The following NBL1 variants were observed in gnomAD, a reference collection of about 807,000 sequenced individuals.
The protein encoded by NBL1 is neuroblastoma suppressor of tumorigenicity 1.
In NBL1, 9 loss-of-function variants were observed where a neutral mutation model predicts 16.0. That is an observed-to-expected ratio of 0.56 (90% CI 0.34 to 0.98). NBL1 has a LOEUF of 0.98. NBL1 is among the 50% of genes least tolerant of loss of function. NBL1 has a pLI of 0.02. For missense variants in NBL1, 196 were observed against 243.1 expected (o/e 0.81, Z 1.29); for synonymous variants, 86 against 100.7 (o/e 0.85, Z 0.87).
chr1:19,649,248 G>C (rs1465415719), intron 1 of NBL1, among the ~76,000 whole-genome samples: 1 of 151,976 alleles, frequency 6.6e-6, no homozygotes, highest in Non-Finnish European at 1.5e-5. Flanking sequence ...AAAAATGGGG[G>C]AAAGAATAGG....
chr1:19,643,935 G>A, upstream of NBL1: 1 of 986,220 alleles, frequency 1.0e-6, no homozygotes, highest in Non-Finnish European at 1.2e-6. This position sits in a 1 kb window ranked among gnomAD's most constrained non-coding sequence, Gnocchi z 4.7. Flanking sequence ...GGCCTGGCAC[G>A]GCCTGACGGC....
At chr1:19,643,852 G>A (rs1295983457), upstream of NBL1, 1 of 991,552 alleles carries the variant, frequency 1.0e-6, no homozygotes, top group African/African-American at 1.7e-5. This position sits in a 1 kb window ranked among gnomAD's most constrained non-coding sequence, Gnocchi z 4.7. Context: ...GCGGGCTGGG[G>A]CGCCCCACTC....
chr1:19,654,376 G>T (rs986950732), intron 1 of NBL1, among the ~76,000 whole-genome samples: 1 of 152,170 alleles, frequency 6.6e-6, no homozygotes, highest in Admixed American at 6.5e-5. Flanking sequence ...GCACTCCAGC[G>T]TGGGTGACCG....
At chr1:19,646,511 A>G (rs1212040008) in intron 1 of NBL1, among the ~76,000 whole-genome samples, 2 of 152,232 alleles carry the variant, frequency 1.3e-5, no homozygotes, top group Admixed American at 6.5e-5. Flanking sequence ...GGGAGCCCCA[A>G]GCCTGACACT....
chr1:19,643,718 G>T, upstream of NBL1: 1 of 1,140,398 alleles, frequency 8.8e-7, no homozygotes, highest in Non-Finnish European at 1.1e-6. The surrounding 1 kb of genome is among the most constrained non-coding windows in gnomAD (Gnocchi z 4.7). Context: ...AGCGACACTA[G>T]GATAACACTA....
rs2094965754 is a variant in NBL1 at position 19,644,512 on chromosome 1, C to T, written c.-20+66C>T. The T allele has an allele frequency of 8.0e-6, 7 of 879,782 alleles. No homozygotes were observed. The highest frequency in any genetic ancestry group is 1.8e-5 in the African/African-American group (1 of 54,910). The allele number at this position is 879,782 out of a possible 1,614,324, so 54.5% of individuals were successfully genotyped here. A position where few individuals can be genotyped will look rare whatever the true frequency, so the allele number is the denominator to read the frequency against. On this transcript the variant is annotated intron_variant, in intron 1 of 3. Coordinates refer to ENST00000375136, the MANE Select transcript of NBL1 (RefSeq NM_005380.8). This position sits in a 1 kb window ranked among gnomAD's most constrained non-coding sequence, Gnocchi z 4.6. ...AGAGGCTTCGGCCGCGGGGGCAGTG[C>T]CGCGCCCCCAGCCCGGAGCTGCGTC...
Position 19,646,042 on chromosome 1 carries a change from G to A in NBL1, c.-20+1596G>A. The A allele has an allele frequency of 2.6e-6, 4 of 1,550,790 alleles. No individual in the cohort carries two copies. The South Asian group carries it at 4.8e-5, about 18-fold the overall frequency. On this transcript the variant is annotated intron_variant, in intron 1 of 3. Transcript: ENST00000375136. ...GGGCAGGAGGGTCTGCGGTAAGGAG[G>A]GCCGTGGCCTGGGTTTGGGGGCTGG...
Position 19,657,139 on chromosome 1 carries a change from A to G in NBL1, c.*10A>G. The G allele has an allele frequency of 7.9e-7, 1 of 1,262,740 alleles. No homozygotes were observed. Among genetic ancestry groups the G allele is most frequent in the African/African-American group, 1.6e-5 (1 of 63,938 alleles). 78.2% of individuals were successfully genotyped at this position (1,262,740 alleles called of 1,614,324 possible). On this transcript the variant is annotated 3_prime_UTR_variant, in exon 4 of 4. Transcript: ENST00000375136. ...GGGGGCTGAGGACTGAGGCCCCCCCAACTCTTCCTCCCCTCTCATCCCCCT... is the reference window on the plus strand; with the variant it reads ...GGGGGCTGAGGACTGAGGCCCCCCCGACTCTTCCTCCCCTCTCATCCCCCT...
Position 19,655,361 on chromosome 1 carries a change from A to G in NBL1, c.208A>G (p.Asn70Asp). 6.2e-7 allele frequency: 1 copy of G among 1,614,024 alleles called. No individual in the cohort carries two copies. The highest frequency in any genetic ancestry group is 8.5e-7 in the Non-Finnish European group (1 of 1,179,974). Reference protein sequence around the residue: ...LGQCFSYSVPNTFPQSTESLV... With the variant: ...LGQCFSYSVPDTFPQSTESLV... Reference sequence around the variant, plus strand: ...ACAGTGCTTCAGCTACAGCGTCCCCAACACCTTCCCACAGTCCACAGAGTC... The same window carrying G: ...ACAGTGCTTCAGCTACAGCGTCCCCGACACCTTCCCACAGTCCACAGAGTC... The change falls in exon 3 of 4, where the codon AAC becomes GAC. Residue 70 changes from asparagine (N) to aspartate (D), a missense_variant. By Grantham distance (23) the Asn-to-Asp change is conservative (BLOSUM62 1). Transcript: ENST00000375136.
chr1:19,654,748 A>G (rs1406879146), intron 1 of NBL1, among the ~76,000 whole-genome samples: 1 of 152,106 alleles, frequency 6.6e-6, no homozygotes, highest in Non-Finnish European at 1.5e-5. Context: ...AAAACCAACC[A>G]ACACATATGG....
intron 1 of NBL1, chr1:19,647,772 T>G (rs1459669907): frequency 1.5e-6 from 1 of 685,466 alleles, no homozygotes; most frequent in African/African-American, 1.9e-5. Context: ...GCCCTGCCCT[T>G]TCCACCGAGG....
chr1:19,647,866 CGT>C (rs752424046), intron 1 of NBL1, among the ~76,000 whole-genome samples: 2,390 of 97,694 alleles, frequency 0.024, 54 homozygotes, highest in African/African-American at 0.088. Flanking sequence ...TGTGTGTGTG[CGT>C]GTGTGTGTGT....
upstream of NBL1, chr1:19,643,633 C>T (rs2094960624): frequency 7.5e-7 from 1 of 1,333,918 alleles, no homozygotes; most frequent in African/African-American, 1.5e-5. This position sits in a 1 kb window ranked among gnomAD's most constrained non-coding sequence, Gnocchi z 4.7. Context: ...GAAGTGAGTT[C>T]ATTTGCTGGC....
At chr1:19,648,684 G>A (rs961751679) in intron 1 of NBL1, among the ~76,000 whole-genome samples, 2 of 145,820 alleles carry the variant, frequency 1.4e-5, no homozygotes, top group Non-Finnish European at 3.0e-5. Context: ...ACCTCCTGGG[G>A]AATTTCCTTT....
intron 1 of NBL1, among the ~76,000 whole-genome samples, chr1:19,652,705 G>C (rs2095033442): frequency 6.6e-6 from 1 of 152,120 alleles, no homozygotes; most frequent in South Asian, 2.1e-4. Context: ...ACTTGGCTCT[G>C]GGCTGGGTGC....
intron 1 of NBL1, among the ~76,000 whole-genome samples, chr1:19,649,692 C>G (rs1570554594): frequency 6.6e-6 from 1 of 151,900 alleles, no homozygotes; most frequent in Admixed American, 6.6e-5. Context: ...TTTTACTACA[C>G]CTTTTCTTTC....
At chr1:19,656,352 A>G (rs1179351618) in intron 3 of NBL1, among the ~76,000 whole-genome samples, 5 of 130,476 alleles carry the variant, frequency 3.8e-5, no homozygotes, top group Non-Finnish European at 3.1e-5. Flanking sequence ...GTGAAGTCTG[A>G]GCTCAGACCC....
At position 19,650,783 on chromosome 1, in the gene NBL1, G is replaced by A. The variant is rs151241899; in HGVS notation, c.-19-4229G>A. On this transcript the variant is annotated intron_variant, in intron 1 of 3. Transcript: ENST00000375136. ...TTGCTGCTTGAAAAAACAAAAAAGC[G>A]TAAACCAACAAAAAAGCATAAACCA... Among the ~76,000 whole-genome samples the A allele has an allele frequency of 1.5e-4, 22 of 151,672 alleles. No individual in the cohort carries two copies. In the East Asian group the frequency reaches 3.1e-3, roughly 21 times the overall value.
chr1:19,648,979 C>T (rs979627555), intron 1 of NBL1, among the ~76,000 whole-genome samples: 5 of 152,136 alleles, frequency 3.3e-5, no homozygotes, highest in Non-Finnish European at 7.4e-5. Context: ...AGCTTCCAGT[C>T]CAGGCAGTGG....
Sources: gnomAD v4.1 joint callset for allele counts (sites outside exome capture counted in the v4.1 genomes callset) on GRCh38, gnomAD v4.1.1 for gene constraint, Gnocchi (gnomAD v3.1) non-coding constraint, MANE v1.5 for transcripts, NCBI Gene and HGNC (gene_info 2026-07-23, HGNC 2026-07-21) for gene names.